Variants in ADAMTS20 observed in about 807,000 individuals in gnomAD.
The protein encoded by ADAMTS20 is A disintegrin and metalloproteinase with thrombospondin motifs 20.
A neutral mutation model predicts 260.1 loss-of-function variants in ADAMTS20; 225 were observed. That is an observed-to-expected ratio of 0.87 (90% CI 0.78 to 0.97). ADAMTS20 has a LOEUF of 0.97. Among genes scored for constraint, ADAMTS20 ranks in the 50% least tolerant of loss-of-function variants. The probability of loss-of-function intolerance (pLI) is 0.00; values close to 1 mark genes in which losing one functional copy is unlikely to be tolerated. For synonymous variants in ADAMTS20, 802 were observed against 769.5 expected (o/e 1.04, Z -0.70); for missense variants, 2,400 against 2,337.7 (o/e 1.03, Z -0.55).
At chr12:43,385,026 C>T (rs546523075) in intron 29 of ADAMTS20, among the ~76,000 whole-genome samples, 1 of 152,276 alleles carries the variant, frequency 6.6e-6, no homozygotes, top group African/African-American at 2.4e-5. Flanking sequence ...CTTGAGGAAT[C>T]GCCATACTGT....
chr12:43,459,503 G>A (rs1043278002), intron 11 of ADAMTS20, among the ~76,000 whole-genome samples: 1 of 152,094 alleles, frequency 6.6e-6, no homozygotes, highest in African/African-American at 2.4e-5. Flanking sequence ...TCTTGGAAGT[G>A]GCCTGCCACC....
chr12:43,385,005 G>T (rs1940441100), intron 29 of ADAMTS20, among the ~76,000 whole-genome samples: 1 of 152,014 alleles, frequency 6.6e-6, no homozygotes. Context: ...TGCTATTTCT[G>T]GTTCTACATC....
chr12:43,512,277 C>T (rs1283199533), intron 3 of ADAMTS20, among the ~76,000 whole-genome samples: 1 of 147,864 alleles, frequency 6.8e-6, no homozygotes, highest in East Asian at 2.0e-4. Flanking sequence ...GTTAAACTGC[C>T]TATTGTAATA....
chr12:43,506,643 C>T (rs186797223), intron 3 of ADAMTS20, among the ~76,000 whole-genome samples: 186 of 152,168 alleles, frequency 1.2e-3, no homozygotes, highest in African/African-American at 4.4e-3. Flanking sequence ...CCATGCCCAG[C>T]TAATTTTTGT....
intron 12 of ADAMTS20, 57 bp downstream of exon 12, chr12:43,453,850 T>C: frequency 6.5e-7 from 1 of 1,543,750 alleles, no homozygotes; most frequent in African/African-American, 1.4e-5. Context: ...GAAACTGATG[T>C]TTACTTTCTG....
chr12:43,523,466 G>C (rs1049376361), intron 3 of ADAMTS20, among the ~76,000 whole-genome samples: 7 of 152,116 alleles, frequency 4.6e-5, no homozygotes, highest in Non-Finnish European at 8.8e-5. Flanking sequence ...AGGTGGGGGT[G>C]GGGGGCAAGT....
At chr12:43,538,950 A>ATTTT (rs1592116285) in intron 2 of ADAMTS20, among the ~76,000 whole-genome samples, 2 of 119,102 alleles carry the variant, frequency 1.7e-5, no homozygotes, top group Admixed American at 9.1e-5. Context: ...TTTTATGAAC[A>ATTTT]TTCTTTTTTT....
intron 10 of ADAMTS20, 38 bp from the exon 11 acceptor site, chr12:43,463,037 A>T (rs1457256369): frequency 5.0e-6 from 7 of 1,390,946 alleles, no homozygotes; most frequent in Non-Finnish European, 7.0e-6. Context: ...CAGTGTAAAG[A>T]TAACACCACA....
intron 8 of ADAMTS20, among the ~76,000 whole-genome samples, chr12:43,468,376 A>G (rs773894179): frequency 6.6e-6 from 1 of 152,102 alleles, no homozygotes; most frequent in Non-Finnish European, 1.5e-5. Flanking sequence ...AAATAAAAGA[A>G]CTCCCAAGTT....
chr12:43,375,703 T>C (rs941847699), intron 35 of ADAMTS20, among the ~76,000 whole-genome samples, 191 bp from the exon 36 acceptor site: 6 of 152,234 alleles, frequency 3.9e-5, no homozygotes, highest in Non-Finnish European at 7.3e-5. Flanking sequence ...TAAGAAGAGC[T>C]TGTAGAAAAA....
In ADAMTS20 at chr12:43,501,481, G is replaced by GCGCACACACACACACACACA. The variant is rs373746834; in HGVS notation, c.867+670_867+671insTGTGTGTGTGTGTGTGTGCG. On this transcript the variant is annotated intron_variant, in intron 4 of 38. Coordinates refer to ENST00000389420, the MANE Select transcript of ADAMTS20 (RefSeq NM_025003.5). ...GGGATACGCGCGCGCGCGCGCGCGC[G>GCGCACACACACACACACACA]CACACACACACACACACACACATGT... is the stretch of plus-strand genomic sequence containing the variant. Among the ~76,000 whole-genome samples, 669 of 117,728 alleles carry GCGCACACACACACACACACA rather than the reference G, an allele frequency of 5.7e-3. 5 individuals are homozygous for GCGCACACACACACACACACA. The highest frequency in any genetic ancestry group is 0.019 in the East Asian group (70 of 3,742). 77.2% of individuals were successfully genotyped at this position (117,728 alleles called of 152,430 possible).
chr12:43,430,306 T>C (rs772125172), intron 23 of ADAMTS20, 46 bp downstream of exon 23: 1 of 1,571,478 alleles, frequency 6.4e-7, no homozygotes. Flanking sequence ...TCAATAATCT[T>C]TCTGTCTCAT....
At chr12:43,531,613 G>C (rs1592112893) in intron 3 of ADAMTS20, among the ~76,000 whole-genome samples, 1 of 152,098 alleles carries the variant, frequency 6.6e-6, no homozygotes, top group African/African-American at 2.4e-5. Context: ...GAGTGGAATG[G>C]TGGTTACCAG....
At position 43,452,575 on chromosome 12, in the gene ADAMTS20, A is replaced by G. The variant is rs772985932; in HGVS notation, c.1881T>C (p.Gly627=). 5 of 1,613,630 alleles carry G rather than the reference A, an allele frequency of 3.1e-6. No homozygotes were observed. Among genetic ancestry groups the G allele is most frequent in the Admixed American group, 1.7e-5 (1 of 59,934 alleles). The change falls in exon 13 of 39, where the codon GGT becomes GGC. Residue 627 remains glycine, a synonymous_variant. Transcript: ENST00000389420. ...GAATGCCACTGATGTCCAAATGTTT[A>G]CCATTAAAATCAGAGCACTGCTTCT... The part of the protein sequence containing the change: ...FREKQCSDFN[G]KHLDISGIPS...
intron 29 of ADAMTS20, among the ~76,000 whole-genome samples, chr12:43,394,233 A>G (rs1373885179): frequency 6.6e-6 from 1 of 152,112 alleles, no homozygotes; most frequent in African/African-American, 2.4e-5. Context: ...AATCACTAAT[A>G]AAATCAGGGC....
intron 4 of ADAMTS20, among the ~76,000 whole-genome samples, chr12:43,495,007 C>T (rs1442542346): frequency 6.6e-6 from 1 of 152,142 alleles, no homozygotes; most frequent in Non-Finnish European, 1.5e-5. Context: ...AGCATATGCA[C>T]TATGAGGTGT....
At chr12:43,448,412 T>C (rs925400822) in intron 14 of ADAMTS20, among the ~76,000 whole-genome samples, 1 of 152,162 alleles carries the variant, frequency 6.6e-6, no homozygotes, top group Non-Finnish European at 1.5e-5. Flanking sequence ...ATTCAATAAA[T>C]GGTGCTGGGA....
chr12:43,540,566 C>A (rs1221001460), intron 2 of ADAMTS20, among the ~76,000 whole-genome samples: 1 of 152,138 alleles, frequency 6.6e-6, no homozygotes, highest in Non-Finnish European at 1.5e-5. Context: ...TAGAGCTTTG[C>A]CTAAAGGCTC....
At chr12:43,501,127 C>T (rs1942753505) in intron 4 of ADAMTS20, among the ~76,000 whole-genome samples, 3 of 142,964 alleles carry the variant, frequency 2.1e-5, no homozygotes, top group South Asian at 2.2e-4. Context: ...GGCACGATCT[C>T]GGCTCACTGC....
Sources: allele counts gnomAD v4.1 joint callset (sites outside exome capture counted in the v4.1 genomes callset), GRCh38; gene constraint gnomAD v4.1.1; transcripts MANE v1.5; gene names NCBI Gene and HGNC (gene_info 2026-07-23, HGNC 2026-07-21).